RERE: variants seen among roughly 807,000 people sequenced by gnomAD.
The protein encoded by RERE is arginine-glutamic acid dipeptide repeats protein.
A neutral mutation model predicts 146.1 loss-of-function variants in RERE; 40 were observed. The ratio of observed to expected loss-of-function variants is 0.27; its 90% CI spans 0.21 to 0.36. The LOEUF (loss-of-function observed/expected upper bound fraction) is 0.36, where lower values mean the gene tolerates loss of function less well. Among genes scored for constraint, RERE ranks in the 10% least tolerant of loss-of-function variants. RERE has a pLI of 1.00. For missense variants in RERE, 1,933 were observed against 2,138.7 expected, an observed-to-expected ratio of 0.90 and a Z score of 1.90; for synonymous variants, 1,003 against 866.0, an observed-to-expected ratio of 1.16 and a Z score of -2.78.
intron 1 of RERE, among the ~76,000 whole-genome samples, chr1:8,716,981 A>T (rs1040935878): frequency 2.0e-5 from 3 of 152,194 alleles, no homozygotes; most frequent in Non-Finnish European, 4.4e-5. Flanking sequence ...TATACCAAAA[A>T]GAAAGGAAAA....
chr1:8,577,527 TA>T (rs1646311056), intron 4 of RERE, among the ~76,000 whole-genome samples: 1 of 152,184 alleles, frequency 6.6e-6, no homozygotes, highest in Non-Finnish European at 1.5e-5. Flanking sequence ...TTAAAGAAGT[TA>T]CACGTTTTCA....
Position 8,783,608 on chromosome 1 carries a change from C to A in RERE, c.-145+33552G>T, listed in dbSNP as rs137923027. Among the ~76,000 whole-genome samples the A allele has an allele frequency of 3.9e-3, 587 of 152,176 alleles. 5 individuals carry two copies. Among genetic ancestry groups the A allele is most frequent in the African/African-American group, 0.014 (562 of 41,530 alleles). The stretch of plus-strand genomic sequence containing the variant: ...CTGTTTGAACTCAGGAGTTTGAGAC[C>A]AGCATGGGCAACCTAAGGAGAGCTG... On this transcript the variant is annotated intron_variant, in intron 1 of 22. Coordinates refer to ENST00000400908, the MANE Select transcript of RERE (RefSeq NM_001042681.2).
intron 1 of RERE, among the ~76,000 whole-genome samples, chr1:8,777,696 G>A (rs961575669): frequency 8.9e-5 from 13 of 145,616 alleles, no homozygotes; most frequent in African/African-American, 2.0e-4. Context: ...CACCACACCC[G>A]GCTACTTTTT....
intron 8 of RERE, among the ~76,000 whole-genome samples, chr1:8,499,178 G>A (rs1645094729): frequency 6.6e-6 from 1 of 152,152 alleles, no homozygotes; most frequent in African/African-American, 2.4e-5. Context: ...GATGACCATG[G>A]GCACATGAGT....
chr1:8,560,703 T>C (rs1164577714), intron 4 of RERE, among the ~76,000 whole-genome samples: 1 of 152,214 alleles, frequency 6.6e-6, no homozygotes, highest in African/African-American at 2.4e-5. Context: ...GTTTCCTCTA[T>C]TGGTAGGTGA....
chr1:8,610,386 C>T (rs570028844), intron 4 of RERE, among the ~76,000 whole-genome samples: 5 of 151,956 alleles, frequency 3.3e-5, no homozygotes, highest in East Asian at 2.0e-4. Context: ...GTCAGCAGTT[C>T]GAGACCAGCC....
intron 12 of RERE, among the ~76,000 whole-genome samples, chr1:8,397,601 A>C (rs979774862): frequency 5.3e-5 from 8 of 152,108 alleles, no homozygotes; most frequent in African/African-American, 1.4e-4. Context: ...AAAAAAAAAA[A>C]AACACATGAA....
intron 10 of RERE, among the ~76,000 whole-genome samples, chr1:8,476,687 A>G (rs1644760799): frequency 6.6e-6 from 1 of 152,246 alleles, no homozygotes; most frequent in Non-Finnish European, 1.5e-5. Context: ...TGCTTTATGA[A>G]CAGCAACAAC....
rs183264228 is a variant in RERE, at chr1:8,449,247, G to A, written c.1203+16678C>T. Reference sequence around the variant, plus strand: ...TCAAGCTCCTTCATGTCTTCTGTTTGTTTGTTTTAGGCCCTCCAGCCTGTT... The same window carrying A: ...TCAAGCTCCTTCATGTCTTCTGTTTATTTGTTTTAGGCCCTCCAGCCTGTT... On this transcript the variant is annotated intron_variant, in intron 11 of 22. Transcript: ENST00000400908. Among the ~76,000 whole-genome samples, 11 of 152,252 alleles carry A rather than the reference G, an allele frequency of 7.2e-5. No homozygotes were observed. The East Asian group carries it at 2.1e-3, about 29-fold the overall frequency.
At chr1:8,357,119 C>T (rs1384517871) in intron 20 of RERE, among the ~76,000 whole-genome samples, 3 of 152,232 alleles carry the variant, frequency 2.0e-5, no homozygotes, top group Non-Finnish European at 4.4e-5. Context: ...CCTCTCACAA[C>T]GTGGCACACG....
At chr1:8,748,695 C>A (rs1012105786) in intron 1 of RERE, among the ~76,000 whole-genome samples, 1 of 152,146 alleles carries the variant, frequency 6.6e-6, no homozygotes, top group African/African-American at 2.4e-5. Context: ...TCGCCAAGTA[C>A]GAAAAACCTG....
rs192428129 is a variant in RERE, at chr1:8,467,746, G to A, written c.1105-1723C>T. On this transcript the variant is annotated intron_variant, in intron 10 of 22. Transcript: ENST00000400908. Reference sequence around the variant, plus strand: ...TGCAAACTCTGCCTCCCGGGTTCACGCCATTCTCCTGCCTCAGCTTCCTGA... The same window carrying A: ...TGCAAACTCTGCCTCCCGGGTTCACACCATTCTCCTGCCTCAGCTTCCTGA... 2.0e-4 allele frequency among the ~76,000 whole-genome samples: 30 copies of A among 152,164 alleles called. No homozygotes were observed. The East Asian group carries it at 5.2e-3, about 26-fold the overall frequency.
At chr1:8,655,738 A>G (rs1365694216) in intron 2 of RERE, among the ~76,000 whole-genome samples, 1 of 152,194 alleles carries the variant, frequency 6.6e-6, no homozygotes, top group Non-Finnish European at 1.5e-5. Flanking sequence ...GGAAAATAAG[A>G]AAAGAACTCA....
At chr1:8,664,881 C>T (rs1638535408) in intron 1 of RERE, among the ~76,000 whole-genome samples, 1 of 152,200 alleles carries the variant, frequency 6.6e-6, no homozygotes, top group Admixed American at 6.5e-5. Context: ...TACTGTACTG[C>T]AGCCAGGGTG....
intron 2 of RERE, among the ~76,000 whole-genome samples, chr1:8,643,767 T>C (rs1647216191): frequency 6.6e-6 from 1 of 152,196 alleles, no homozygotes; most frequent in African/African-American, 2.4e-5. Flanking sequence ...CGTGTGCCTC[T>C]CTGGGGAGGG....
At chr1:8,661,526 G>A (rs1017971778) in intron 1 of RERE, among the ~76,000 whole-genome samples, 4 of 152,202 alleles carry the variant, frequency 2.6e-5, no homozygotes, top group African/African-American at 9.7e-5. Context: ...GAGCGCAGTG[G>A]GGCACGATCA....
At position 8,361,035 on chromosome 1, in the gene RERE, G is replaced by A; in HGVS notation, c.2472C>T (p.Pro824=). ...CCGACCCAGTCAGAGGCTGCAGCGG[G>A]GGATGTGGCGAGGGATGCGGCGGGG... ...PHPPPHPSPH[P]PLQPLTGSAG... is the part of the protein sequence containing the mutation. The change falls in exon 18 of 23, where the codon CCC becomes CCT. Residue 824 remains proline (P), a synonymous_variant. Transcript: ENST00000400908. The A allele has an allele frequency of 3.5e-6, 5 of 1,438,732 alleles. No homozygotes were observed. The highest frequency in any genetic ancestry group is 4.5e-6 in the Non-Finnish European group (5 of 1,101,810). The allele number at this position is 1,438,732 out of a possible 1,614,324, so 89.1% of individuals were successfully genotyped here.
chr1:8,639,780 A>G (rs1291379507), intron 2 of RERE, among the ~76,000 whole-genome samples: 1 of 152,232 alleles, frequency 6.6e-6, no homozygotes. Flanking sequence ...AAAAGGAAAA[A>G]TTATAATTAT....
At chr1:8,701,490 C>T (rs1184232681) in intron 1 of RERE, among the ~76,000 whole-genome samples, 2 of 152,124 alleles carry the variant, frequency 1.3e-5, no homozygotes, top group Non-Finnish European at 2.9e-5. Context: ...CAAAACAAGA[C>T]AAAAATCTAA....
Sources: allele counts gnomAD v4.1 joint callset (sites outside exome capture counted in the v4.1 genomes callset), GRCh38; gene constraint gnomAD v4.1.1; transcripts MANE v1.5; gene names NCBI Gene and HGNC (gene_info 2026-07-23, HGNC 2026-07-21).